The following NRCAM variants were observed in gnomAD, a reference collection of about 807,000 sequenced individuals.
The protein encoded by NRCAM is NgCAM-related cell adhesion molecule.
A neutral mutation model predicts 156.5 loss-of-function variants in NRCAM; 83 were observed. The observed-to-expected ratio is 0.53, with a 90% CI of 0.44 to 0.64. The LOEUF (loss-of-function observed/expected upper bound fraction) is 0.64. Among genes scored for constraint, NRCAM ranks in the 30% least tolerant of loss-of-function variants. The probability of loss-of-function intolerance (pLI) is 0.00; values close to 1 mark genes in which losing one functional copy is unlikely to be tolerated. For synonymous variants in NRCAM, 538 were observed against 563.9 expected (o/e 0.95, Z 0.65); for missense variants, 1,417 against 1,597.3 (o/e 0.89, Z 1.92).
chr7:108,283,232 A>G (rs1202339047), intron 3 of NRCAM, among the ~76,000 whole-genome samples: 1 of 152,230 alleles, frequency 6.6e-6, no homozygotes, highest in Non-Finnish European at 1.5e-5. Context: ...GTGAAAGACT[A>G]TTACATAACT....
intron 11 of NRCAM, among the ~76,000 whole-genome samples, chr7:108,211,659 T>C (rs1409329912): frequency 6.6e-6 from 1 of 152,040 alleles, no homozygotes; most frequent in African/African-American, 2.4e-5. Context: ...AGGGACAACT[T>C]GCATGACTCA....
rs187206560 is a variant in NRCAM, at chr7:108,324,922, G to A, written c.-173-12191C>T. 3.6e-3 allele frequency among the ~76,000 whole-genome samples: 449 copies of A among 124,656 alleles called. 4 individuals are homozygous for A. The highest frequency in any genetic ancestry group is 0.017 in the Middle Eastern group (3 of 174). 81.8% of individuals were successfully genotyped at this position (124,656 alleles called of 152,430 possible). ...TTTTTTTTTAGCTTTAGCTATGGCT[G>A]GTGTAATCAGACACCACGTACCAGG... On this transcript the variant is annotated intron_variant, in intron 2 of 32. Coordinates refer to ENST00000379028, the MANE Select transcript of NRCAM (RefSeq NM_001037132.4).
chr7:108,243,375 G>A (rs527698571), intron 3 of NRCAM: 1 of 152,324 alleles, frequency 6.6e-6, no homozygotes, highest in African/African-American at 2.4e-5. Context: ...TGAGAGTAAT[G>A]TACTCTGCAC....
chr7:108,180,994 C>CA (rs1479159687), intron 24 of NRCAM, among the ~76,000 whole-genome samples: 2 of 152,146 alleles, frequency 1.3e-5, no homozygotes, highest in Non-Finnish European at 2.9e-5. Context: ...TCCACTAAAT[C>CA]AAACTGTATC....
At chr7:108,282,084 G>T (rs574132575) in intron 3 of NRCAM, among the ~76,000 whole-genome samples, 4 of 152,266 alleles carry the variant, frequency 2.6e-5, no homozygotes, top group African/African-American at 9.6e-5. Flanking sequence ...CACTTATTTA[G>T]TACTTCTGGA....
In NRCAM at chr7:108,175,282, T is replaced by C. The variant is rs1002573802; in HGVS notation, c.3187+40A>G. 6.5e-6 allele frequency: 10 copies of C among 1,532,366 alleles called. No homozygotes were observed. The African/African-American group carries it at 1.1e-4, about 17-fold the overall frequency. The allele number at this position is 1,532,366 out of a possible 1,614,324, so 94.9% of individuals were successfully genotyped here. On this transcript the variant is annotated intron_variant, in intron 28 of 32. Coordinates refer to ENST00000379028, the MANE Select transcript of NRCAM (RefSeq NM_001037132.4). ...ACTTCCCCATGTTTCACATTGCAAATTTCACACATGTATAAAGTCATGCAG... is the reference window on the plus strand; with the variant it reads ...ACTTCCCCATGTTTCACATTGCAAACTTCACACATGTATAAAGTCATGCAG...
intron 1 of NRCAM, among the ~76,000 whole-genome samples, chr7:108,455,311 G>A (rs1407384911): frequency 1.3e-5 from 2 of 152,102 alleles, no homozygotes; most frequent in East Asian, 1.9e-4. Flanking sequence ...AGGGGGCCGG[G>A]GGCGGCGCTC....
At chr7:108,383,688 A>G (rs1990712) in intron 2 of NRCAM, among the ~76,000 whole-genome samples, 45,519 of 152,106 alleles carry the variant, frequency 0.3, 7,298 homozygotes, top group East Asian at 0.62. Context: ...TCTTTTTAAT[A>G]AAGTACAGTC....
Position 108,194,029 on chromosome 7 carries a change from A to C in NRCAM, c.1773T>G (p.Asp591Glu). 1.9e-6 allele frequency: 3 copies of C among 1,612,838 alleles called. No homozygotes were observed. The highest frequency in any genetic ancestry group is 2.7e-5 in the African/African-American group (2 of 75,006). The change falls in exon 17 of 33, where the codon GAT becomes GAG. Residue 591 changes from aspartate (D) to glutamate (E), a missense_variant. By Grantham distance (45) the Asp-to-Glu change is conservative. Around this residue, in one of 2 missense-constraint regions of NRCAM, gnomAD observed 1,238 missense variants for 1,336.4 expected, o/e 0.93. Transcript: ENST00000379028. ...WLKDNRELPS[D>E]ERFTVDKDHL... is the part of the protein sequence containing the mutation. ...AAGAAATCGTCTTCAAATACCTTTC[A>C]TCACTGGGCAGTTCCCTGTTGTCCT...
Position 108,209,480 on chromosome 7 carries a change from T to G in NRCAM, c.1016A>C (p.Gln339Pro). The G allele has an allele frequency of 6.2e-7, 1 of 1,611,870 alleles. No individual in the cohort carries two copies. Among genetic ancestry groups the G allele is most frequent in the Non-Finnish European group, 8.5e-7 (1 of 1,178,994 alleles). Reference sequence around the variant, plus strand: ...TCCTAATGCGTTTTTTGCTATACATTGGTAATTTCCAGAGTCTGCTTCTGA... The same window carrying G: ...TCCTAATGCGTTTTTTGCTATACATGGGTAATTTCCAGAGTCTGCTTCTGA... ...HVSEADSGNY[Q>P]CIAKNALGAI... The change falls in exon 12 of 33, where the codon CAA becomes CCA. Residue 339 changes from glutamine to proline, a missense_variant. Physicochemically the swap from Gln to Pro is moderately conservative, Grantham distance 76 (BLOSUM62 -1). Transcript: ENST00000379028.
intron 11 of NRCAM, among the ~76,000 whole-genome samples, chr7:108,216,671 A>G (rs1167960040): frequency 6.6e-6 from 1 of 151,896 alleles, no homozygotes; most frequent in Non-Finnish European, 1.5e-5. Context: ...TTGATCTTCT[A>G]TCTCTGTTAT....
chr7:108,433,707 G>C (rs1274202706), intron 1 of NRCAM, among the ~76,000 whole-genome samples: 1 of 152,090 alleles, frequency 6.6e-6, no homozygotes, highest in Non-Finnish European at 1.5e-5. Flanking sequence ...GGAGCTCCCT[G>C]TTGCCTCCCA....
intron 8 of NRCAM, among the ~76,000 whole-genome samples, chr7:108,228,247 G>A (rs986364453): frequency 3.3e-5 from 5 of 151,960 alleles, no homozygotes; most frequent in African/African-American, 9.7e-5. Context: ...ACCTGAACCC[G>A]GGAGGCAGAG....
chr7:108,378,132 A>G (rs888830719), intron 2 of NRCAM, among the ~76,000 whole-genome samples: 2 of 152,214 alleles, frequency 1.3e-5, no homozygotes, highest in Non-Finnish European at 1.5e-5. Flanking sequence ...AAGAACCAGC[A>G]GAATACACTG....
chr7:108,258,074 T>C (rs1307837839), intron 3 of NRCAM, among the ~76,000 whole-genome samples: 1 of 152,190 alleles, frequency 6.6e-6, no homozygotes, highest in African/African-American at 2.4e-5. Flanking sequence ...TTCTGAGAAG[T>C]CCATTTCCTC....
chr7:108,371,580 T>G (rs952924703), intron 2 of NRCAM, among the ~76,000 whole-genome samples: 1 of 152,254 alleles, frequency 6.6e-6, no homozygotes, highest in East Asian at 1.9e-4. Context: ...AAAACATATT[T>G]TTACAAATTG....
chr7:108,339,213 A>G (rs2099245847), intron 2 of NRCAM, among the ~76,000 whole-genome samples: 1 of 152,224 alleles, frequency 6.6e-6, no homozygotes, highest in Non-Finnish European at 1.5e-5. Flanking sequence ...AACTCCCTTC[A>G]GTACAGGATG....
At chr7:108,231,729 T>C (rs568589022) in intron 7 of NRCAM, among the ~76,000 whole-genome samples, 87 of 152,316 alleles carry the variant, frequency 5.7e-4, no homozygotes, top group African/African-American at 1.4e-3. Flanking sequence ...ATGAACAGTT[T>C]TTAAATTTCT....
At chr7:108,176,934 C>A (rs150753841) in intron 26 of NRCAM, among the ~76,000 whole-genome samples, 34 of 152,016 alleles carry the variant, frequency 2.2e-4, no homozygotes, top group Non-Finnish European at 4.7e-4. Flanking sequence ...TGTTAAATAA[C>A]CCCAAACATT....
Sources: allele counts gnomAD v4.1 joint callset (sites outside exome capture counted in the v4.1 genomes callset), GRCh38; gene constraint gnomAD v4.1.1; regional missense constraint gnomAD v4.1.1; transcripts MANE v1.5; gene names NCBI Gene and HGNC (gene_info 2026-07-23, HGNC 2026-07-21).